Variants in HDAC9 observed in about 807,000 individuals in gnomAD.
The protein encoded by HDAC9 is histone deacetylase 9.
A neutral mutation model predicts 139.4 loss-of-function variants in HDAC9; 41 were observed. The ratio of observed to expected loss-of-function variants is 0.29; its 90% confidence interval spans 0.23 to 0.38. The LOEUF is 0.38. HDAC9 is among the 10% of genes least tolerant of loss of function. The pLI is 1.00. For synonymous variants in HDAC9, 517 were observed against 476.2 expected (o/e 1.09, Z -1.12); for missense variants, 1,147 against 1,297.0 (o/e 0.88, Z 1.78).
intron 2 of HDAC9, among the ~76,000 whole-genome samples, chr7:18,517,437 G>A (rs998749877): frequency 6.6e-5 from 10 of 152,176 alleles, no homozygotes; most frequent in African/African-American, 2.4e-4. Flanking sequence ...CGAACTAAAG[G>A]ATCAGCTTGT....
At chr7:18,561,321 G>T (rs1343104733) in intron 2 of HDAC9, among the ~76,000 whole-genome samples, 3 of 152,122 alleles carry the variant, frequency 2.0e-5, no homozygotes, top group Non-Finnish European at 4.4e-5. Context: ...AAAGGAATAT[G>T]CCAATTCCCC....
Position 18,560,723 on chromosome 7 carries a change from T to A in HDAC9, c.23-24558T>A, listed in dbSNP as rs574837599. On this transcript the variant is annotated intron_variant, in intron 2 of 25. Coordinates refer to ENST00000686413, the MANE Select transcript of HDAC9 (RefSeq NM_178425.4). ...AAGCACCCTCATTAAAGGCCTGTTC[T>A]GTTTTGATAGAGGGAACGTGGACAG... Among the ~76,000 whole-genome samples the A allele has an allele frequency of 3.9e-5, 6 of 152,276 alleles. No homozygotes were observed. In the East Asian group the frequency reaches 1.2e-3, roughly 29 times the overall value.
chr7:18,641,091 G>A (rs1469583794), intron 8 of HDAC9, among the ~76,000 whole-genome samples: 1 of 152,026 alleles, frequency 6.6e-6, no homozygotes, highest in Non-Finnish European at 1.5e-5. Flanking sequence ...ATTATACCCA[G>A]TGTCCCTTCT....
At chr7:18,778,441 T>C (rs1464694610) in intron 16 of HDAC9, among the ~76,000 whole-genome samples, 1 of 152,046 alleles carries the variant, frequency 6.6e-6, no homozygotes, top group Admixed American at 6.6e-5. Context: ...TTTATTAAGC[T>C]ACACTCTGTA....
intron 1 of HDAC9, among the ~76,000 whole-genome samples, chr7:18,410,951 A>G (rs901105727): frequency 3.3e-5 from 5 of 152,270 alleles, no homozygotes; most frequent in African/African-American, 9.6e-5. Context: ...ATAGCCTTAT[A>G]GAATTATAAT....
rs538951831 is a variant in HDAC9, at chr7:18,184,594, A to G, written c.25+22245A>G. 9.2e-5 allele frequency among the ~76,000 whole-genome samples: 14 copies of G among 152,322 alleles called. No homozygotes were observed. In the South Asian group the frequency reaches 2.5e-3, roughly 27 times the overall value. ...GTGAGGAATTTCCACGTGTGGCATC[A>G]TGTTGGTGTTCAAAAAGTTTCAGAT... On this transcript the variant is annotated intron_variant, in intron 2 of 12. Transcript: ENST00000417496.
At position 18,498,219 on chromosome 7, in the gene HDAC9, A is replaced by G. The variant is rs372002616; in HGVS notation, c.22+1895A>G. Among the ~76,000 whole-genome samples, 30 of 152,200 alleles carry G rather than the reference A, an allele frequency of 2.0e-4. No homozygotes were observed. In the East Asian group the frequency reaches 2.7e-3, roughly 14 times the overall value. Reference sequence around the variant, plus strand: ...TTACACCCTTCCTGCCATGCCATATATTTCATATATGTTCTTAAATTTAAT... The same window carrying G: ...TTACACCCTTCCTGCCATGCCATATGTTTCATATATGTTCTTAAATTTAAT... On this transcript the variant is annotated intron_variant, in intron 2 of 25. Coordinates refer to ENST00000686413, the MANE Select transcript of HDAC9 (RefSeq NM_178425.4).
intron 1 of HDAC9, among the ~76,000 whole-genome samples, chr7:18,435,447 A>G (rs1029176924): frequency 6.6e-6 from 1 of 152,172 alleles, no homozygotes; most frequent in Non-Finnish European, 1.5e-5. Context: ...AGACTATGGT[A>G]ACTAGGGTCA....
At chr7:18,831,080 C>T (rs1016472763) in intron 19 of HDAC9, among the ~76,000 whole-genome samples, 11 of 151,550 alleles carry the variant, frequency 7.3e-5, no homozygotes, top group African/African-American at 2.7e-4. Context: ...TAAGCTTTCT[C>T]AATTTGTCAA....
intron 1 of HDAC9, among the ~76,000 whole-genome samples, chr7:18,097,526 C>CT (rs1179380895): frequency 1.4e-5 from 2 of 141,944 alleles, no homozygotes; most frequent in Non-Finnish European, 3.1e-5. Flanking sequence ...TGTTTTAGTC[C>CT]TTTTTTCCCC....
chr7:18,832,861 G>T (rs901580439), intron 19 of HDAC9, among the ~76,000 whole-genome samples: 1 of 151,972 alleles, frequency 6.6e-6, no homozygotes, highest in African/African-American at 2.4e-5. Context: ...TCAGCCTCCC[G>T]AGTAGCTGGG....
intron 2 of HDAC9, among the ~76,000 whole-genome samples, chr7:18,230,872 C>A (rs109251): frequency 4.6e-5 from 7 of 152,232 alleles, no homozygotes; most frequent in Admixed American, 1.3e-4. Context: ...TTTAGAGACT[C>A]CATAACTACA....
At chr7:18,547,912 C>G (rs1304238649) in intron 2 of HDAC9, among the ~76,000 whole-genome samples, 1 of 137,644 alleles carries the variant, frequency 7.3e-6, no homozygotes, top group African/African-American at 2.7e-5. Context: ...TCCCTTTCTC[C>G]CTCCCTCTCT....
At chr7:18,743,162 C>T (rs1787611259) in intron 13 of HDAC9, among the ~76,000 whole-genome samples, 1 of 152,006 alleles carries the variant, frequency 6.6e-6, no homozygotes, top group Admixed American at 6.6e-5. Context: ...TGTTTGGCTT[C>T]ACTTTTTGCC....
chr7:18,424,896 A>G (rs1358813375), intron 1 of HDAC9, among the ~76,000 whole-genome samples: 2 of 152,134 alleles, frequency 1.3e-5, no homozygotes, highest in East Asian at 1.9e-4. Flanking sequence ...GAGCGAGACT[A>G]TATCTCAATT....
chr7:18,299,485 C>T (rs1206195111), intron 1 of HDAC9, among the ~76,000 whole-genome samples: 6 of 152,038 alleles, frequency 3.9e-5, no homozygotes, highest in Non-Finnish European at 8.8e-5. Flanking sequence ...GGCGAGGGTA[C>T]TTTTCCAGCA....
chr7:18,852,938 A>G (rs557247127), intron 21 of HDAC9, among the ~76,000 whole-genome samples: 7 of 152,128 alleles, frequency 4.6e-5, no homozygotes, highest in Non-Finnish European at 8.8e-5. Context: ...AGGAAAAATA[A>G]TGAAGTCAAT....
intron 1 of HDAC9, among the ~76,000 whole-genome samples, chr7:18,129,844 A>G (rs1388611182): frequency 6.6e-6 from 1 of 152,188 alleles, no homozygotes. Context: ...TGAATATGTA[A>G]TGGCAAAGTG....
chr7:18,335,234 A>C (rs631688), intron 1 of HDAC9, among the ~76,000 whole-genome samples: 150,415 of 151,552 alleles, frequency 0.99, 74,651 homozygotes, highest in East Asian at 1. Flanking sequence ...AAAAATGGAA[A>C]TTGGAAGAAA....
Sources: allele counts gnomAD v4.1 joint callset (sites outside exome capture counted in the v4.1 genomes callset), GRCh38; gene constraint gnomAD v4.1.1; transcripts MANE v1.5; gene names NCBI Gene and HGNC (gene_info 2026-07-23, HGNC 2026-07-21).